THSD8: variants seen among roughly 807,000 people sequenced by gnomAD.
The protein encoded by THSD8 is thrombospondin type-1 domain-containing protein 8.
intron 1 of THSD8, among the ~76,000 whole-genome samples, chr19:12,803,574 T>C (rs1018883521): frequency 1.3e-5 from 2 of 152,100 alleles, no homozygotes; most frequent in African/African-American, 4.8e-5. Flanking sequence ...GTTGGCTTGC[T>C]GTCTCTGGGT....
intron 1 of THSD8, among the ~76,000 whole-genome samples, chr19:12,803,274 A>C (rs1277799399): frequency 6.6e-6 from 1 of 152,092 alleles, no homozygotes; most frequent in Non-Finnish European, 1.5e-5. Flanking sequence ...AAATTAAATA[A>C]ATAAACAAAC....
At chr19:12,802,908 C>G (rs769543717) in intron 1 of THSD8, among the ~76,000 whole-genome samples, 26 of 151,818 alleles carry the variant, frequency 1.7e-4, no homozygotes, top group Non-Finnish European at 3.1e-4. Context: ...GTCTCGGAGA[C>G]CAGACCAGCC....
Position 12,804,378 on chromosome 19 carries a change from G to C in THSD8, c.*75G>C. On this transcript the variant is annotated 3_prime_UTR_variant, in exon 2 of 2. Transcript: ENST00000639810. ...CGCGGAGGGAGGATGTGCGGTGCGG[G>C]GCGGGTATGAAGCGAGTTTGAGGAA... is the stretch of plus-strand genomic sequence containing the variant. 1 of 398,140 alleles carries C rather than the reference G, an allele frequency of 2.5e-6. No individual in the cohort carries two copies. Among genetic ancestry groups the C allele is most frequent in the East Asian group, 3.6e-5 (1 of 28,058 alleles). The allele number at this position is 398,140 out of a possible 1,614,324, so 24.7% of individuals were successfully genotyped here. A position where few individuals can be genotyped will look rare whatever the true frequency, so the allele number is the denominator to read the frequency against.
chr19:12,803,611 G>A (rs1421115762), intron 1 of THSD8, among the ~76,000 whole-genome samples: 1 of 152,022 alleles, frequency 6.6e-6, no homozygotes, highest in Non-Finnish European at 1.5e-5. Flanking sequence ...GAGACTCGTG[G>A]AAATATTAAA....
intron 1 of THSD8, among the ~76,000 whole-genome samples, chr19:12,803,162 G>A (rs1033020354): frequency 2.6e-5 from 4 of 152,214 alleles, no homozygotes; most frequent in Admixed American, 6.5e-5. Context: ...GGCTGATACA[G>A]GAGGACCATT....
rs1968947798 is a variant in THSD8, at chr19:12,804,242, G to A, written c.287G>A (p.Arg96Gln). The A allele has an allele frequency of 5.0e-6, 2 of 398,634 alleles. No homozygotes were observed. Among genetic ancestry groups the A allele is most frequent in the East Asian group, 3.6e-5 (1 of 28,060 alleles). The allele number at this position is 398,634 out of a possible 1,614,324, so 24.7% of individuals were successfully genotyped here. A position where few individuals can be genotyped will look rare whatever the true frequency, so the allele number is the denominator to read the frequency against. Residue 96 changes from arginine to glutamine, a missense_variant, in exon 2 of 2, where the codon CGG (arginine) becomes CAG (glutamine). By Grantham distance (43) the Arg-to-Gln change is conservative. Transcript: ENST00000639810. Reference sequence around the variant, plus strand: ...GACCCGGAGAAGCTGATCCAGTTACGGCCCTGCCGGCAACGGGATTGTCCA... The same window carrying A: ...GACCCGGAGAAGCTGATCCAGTTACAGCCCTGCCGGCAACGGGATTGTCCA... ...FMDPEKLIQL[R>Q]PCRQRDCPSC...
intron 1 of THSD8, among the ~76,000 whole-genome samples, chr19:12,803,553 G>A (rs1010221146): frequency 2.0e-5 from 3 of 152,086 alleles, no homozygotes; most frequent in African/African-American, 7.2e-5. Flanking sequence ...CCCCGTATAT[G>A]AGCTTGGAAG....
chr19:12,804,154 G>A lies in THSD8; in HGVS notation c.199G>A (p.Asp67Asn). 2.5e-6 allele frequency: 1 copy of A among 398,556 alleles called. No homozygotes were observed. The highest frequency in any genetic ancestry group is 4.4e-6 in the Non-Finnish European group (1 of 226,102). 24.7% of individuals were successfully genotyped at this position (398,556 alleles called of 1,614,324 possible). The change falls in exon 2 of 2, where the codon GAC (aspartate) becomes AAC (asparagine). Residue 67 changes from aspartate (D) to asparagine (N), a missense_variant. Physicochemically the swap from Asp to Asn is conservative, Grantham distance 23 (BLOSUM62 1). Transcript: ENST00000639810. ...GPWGKWRCLC[D>N]LGKQERSREV... ...GTGGGGAAAGTGGCGGTGTCTCTGC[G>A]ACCTGGGCAAGCAGGAGCGCAGCCG...
intron 1 of THSD8, among the ~76,000 whole-genome samples, chr19:12,803,695 G>C (rs1968937742): frequency 6.6e-6 from 1 of 152,006 alleles, no homozygotes; most frequent in Non-Finnish European, 1.5e-5. Context: ...AGTATCACTT[G>C]AGCCCAGGAG....
chr19:12,803,911 C>CAAAAAAAAAAAAAAAAAA lies in THSD8; in HGVS notation c.149-183_149-166dup, dbSNP rs761806696. 2.6e-4 allele frequency among the ~76,000 whole-genome samples: 9 copies of CAAAAAAAAAAAAAAAAAA among 34,868 alleles called. 2 individuals are homozygous for CAAAAAAAAAAAAAAAAAA. Among genetic ancestry groups the CAAAAAAAAAAAAAAAAAA allele is most frequent in the African/African-American group, 9.2e-4 (8 of 8,718 alleles). 22.9% of individuals were successfully genotyped at this position (34,868 alleles called of 152,430 possible). A position where few individuals can be genotyped will look rare whatever the true frequency, so the allele number is the denominator to read the frequency against. Reference sequence around the variant, plus strand: ...TGGGCGACAGAGCGAGACCCTGTCTCAAAAAAAAAAAAAAAAAAAAAAAAA... The same window carrying CAAAAAAAAAAAAAAAAAA: ...TGGGCGACAGAGCGAGACCCTGTCTCAAAAAAAAAAAAAAAAAAAAAAAAAAAAAAAAAAAAAAAAAAA... On this transcript the variant is annotated intron_variant, in intron 1 of 1. Transcript: ENST00000639810.
chr19:12,802,335 T>A (rs1371134548), intron 1 of THSD8, 116 bp downstream of exon 1: 4 of 397,110 alleles, frequency 1.0e-5, no homozygotes, highest in African/African-American at 8.2e-5. Flanking sequence ...AGCTCCGCAC[T>A]GGAGGCGTCC....
intron 1 of THSD8, 64 bp from the exon 2 acceptor site, chr19:12,804,040 T>C: frequency 2.6e-6 from 1 of 386,370 alleles, no homozygotes; most frequent in Non-Finnish European, 4.6e-6. Context: ...TCTCCCTCTC[T>C]GGGGGAGGGG....
At position 12,804,128 on chromosome 19, in the gene THSD8, C is replaced by G. The variant is rs1336910530; in HGVS notation, c.173C>G (p.Pro58Arg). ...LKEVEDSILG[P>R]WGKWRCLCDL... ...GAAGTCGAGGACTCAATCCTTGGCC[C>G]GTGGGGAAAGTGGCGGTGTCTCTGC... The change falls in exon 2 of 2, where the codon CCG (proline) becomes CGG (arginine). Residue 58 changes from proline to arginine, a missense_variant. Transcript: ENST00000639810. 3 of 398,326 alleles carry G rather than the reference C, an allele frequency of 7.5e-6. No individual in the cohort carries two copies. Among genetic ancestry groups the G allele is most frequent in the Non-Finnish European group, 8.8e-6 (2 of 226,082 alleles). 24.7% of individuals were successfully genotyped at this position (398,326 alleles called of 1,614,324 possible).
chr19:12,802,329 C>T, intron 1 of THSD8, 110 bp downstream of exon 1: 2 of 397,318 alleles, frequency 5.0e-6, no homozygotes, highest in Non-Finnish European at 8.9e-6. Flanking sequence ...CCACCCAGCT[C>T]CGCACTGGAG....
In THSD8 at chr19:12,802,384, C is replaced by G. The variant is rs960130823; in HGVS notation, c.148+165C>G. ...ACTTTTCTCTAAGGCTCGGTTTACT[C>G]TTGGATATATTGAAATAGATACTGC... On this transcript the variant is annotated intron_variant, in intron 1 of 1. Transcript: ENST00000639810. 7.0e-4 allele frequency among the ~76,000 whole-genome samples: 107 copies of G among 152,300 alleles called. 1 individual carries two copies. Among genetic ancestry groups the G allele is most frequent in the African/African-American group, 2.4e-3 (98 of 41,558 alleles).
chr19:12,802,303 G>C (rs2145819372), intron 1 of THSD8, 84 bp downstream of exon 1: 1 of 397,658 alleles, frequency 2.5e-6, no homozygotes, highest in Non-Finnish European at 4.4e-6. Flanking sequence ...GACCTTCCTC[G>C]GCGGGCTGCA....
At position 12,803,911 on chromosome 19, in the gene THSD8, C is replaced by CAAAAAA. The variant is rs761806696; in HGVS notation, c.149-171_149-166dup. Among the ~76,000 whole-genome samples, 192 of 34,862 alleles carry CAAAAAA rather than the reference C, an allele frequency of 5.5e-3. 18 individuals carry two copies. Among genetic ancestry groups the CAAAAAA allele is most frequent in the Non-Finnish European group, 6.7e-3 (130 of 19,348 alleles). The allele number at this position is 34,862 out of a possible 152,430, so 22.9% of individuals were successfully genotyped here. ...TGGGCGACAGAGCGAGACCCTGTCT[C>CAAAAAA]AAAAAAAAAAAAAAAAAAAAAAAAA... On this transcript the variant is annotated intron_variant, in intron 1 of 1. Transcript: ENST00000639810.
chr19:12,803,831 G>C (rs1457311535), intron 1 of THSD8, among the ~76,000 whole-genome samples: 1 of 144,266 alleles, frequency 6.9e-6, no homozygotes, highest in Non-Finnish European at 1.5e-5. Flanking sequence ...AGGATTGCTT[G>C]AGCCCAGGAG....
intron 1 of THSD8, 68 bp from the exon 2 acceptor site, chr19:12,804,036 T>C (rs991873114): frequency 2.8e-6 from 1 of 351,204 alleles, no homozygotes; most frequent in African/African-American, 2.2e-5. Flanking sequence ...TCTTTCTCCC[T>C]CTCTGGGGGA....
Sources: gnomAD v4.1 joint callset for allele counts (sites outside exome capture counted in the v4.1 genomes callset) on GRCh38, gnomAD v4.1.1 for gene constraint, MANE v1.5 for transcripts, NCBI Gene and HGNC (gene_info 2026-07-23, HGNC 2026-07-21) for gene names.